CELF1: variants seen among roughly 807,000 people sequenced by gnomAD.
CELF1 encodes the protein CUGBP Elav-like family member 1.
A neutral mutation model predicts 61.8 loss-of-function variants in CELF1; 10 were observed. The ratio of observed to expected loss-of-function variants is 0.16; its 90% CI spans 0.10 to 0.27. The LOEUF is 0.27. Among genes scored for constraint, CELF1 ranks in the 10% least tolerant of loss-of-function variants. The pLI is 1.00. For missense variants in CELF1, 380 were observed against 639.1 expected (o/e 0.59, Z 4.37); for synonymous variants, 236 against 225.1 (o/e 1.05, Z -0.43).
At chr11:47,475,784 ATT>A (rs2079796918) in intron 12 of CELF1, among the ~76,000 whole-genome samples, 1 of 152,118 alleles carries the variant, frequency 6.6e-6, no homozygotes, top group Non-Finnish European at 1.5e-5. Flanking sequence ...GAGAGCCTCC[ATT>A]TTCTATCTGG....
At chr11:47,538,270 T>C (rs544784466) in intron 1 of CELF1, among the ~76,000 whole-genome samples, 2 of 152,318 alleles carry the variant, frequency 1.3e-5, no homozygotes, top group East Asian at 1.9e-4. Flanking sequence ...TCAAATAATA[T>C]CTTCTAGCTT....
intron 2 of CELF1, among the ~76,000 whole-genome samples, chr11:47,559,025 T>TATATAATATGTTACATATAATA (rs2097217691): frequency 7.0e-6 from 1 of 143,040 alleles, no homozygotes; most frequent in Non-Finnish European, 1.5e-5. Context: ...TTATATATAA[T>TATATAATATGTTACATATAATA]ATATAATATG....
chr11:47,529,743 C>G (rs952666988), intron 1 of CELF1, among the ~76,000 whole-genome samples: 4 of 151,984 alleles, frequency 2.6e-5, no homozygotes, highest in Admixed American at 2.6e-4. Flanking sequence ...ACTGCTTAAA[C>G]CTGGGAGGTG....
At chr11:47,509,257 G>A (rs564586602) in intron 1 of CELF1, among the ~76,000 whole-genome samples, 1 of 152,294 alleles carries the variant, frequency 6.6e-6, no homozygotes, top group African/African-American at 2.4e-5. Flanking sequence ...CACATGCTCT[G>A]TGAGAAAGCC....
At chr11:47,503,820 T>C (rs1484559045) in intron 1 of CELF1, among the ~76,000 whole-genome samples, 2 of 152,208 alleles carry the variant, frequency 1.3e-5, no homozygotes, top group Non-Finnish European at 2.9e-5. Flanking sequence ...CTGGTAATTA[T>C]CTCTGTGGCA....
chr11:47,472,120 A>G lies in CELF1; in HGVS notation c.*110T>C, dbSNP rs1596005417. 4.6e-5 allele frequency: 60 copies of G among 1,313,824 alleles called. No individual in the cohort carries two copies. Among genetic ancestry groups the G allele is most frequent in the African/African-American group, 2.9e-5 (2 of 68,508 alleles). The allele number at this position is 1,313,824 out of a possible 1,614,324, so 81.4% of individuals were successfully genotyped here. On this transcript the variant is annotated 3_prime_UTR_variant, in exon 15 of 15. Coordinates refer to ENST00000687097, the MANE Select transcript of CELF1 (RefSeq NM_001376376.1). ...AGCTGTGCCTGCGAGAGTGGCAGGG[A>G]TCAGGGTCCAGGGCTGTCAACACAC...
chr11:47,513,447 T>C (rs1042893501), intron 1 of CELF1, among the ~76,000 whole-genome samples: 3 of 151,024 alleles, frequency 2.0e-5, no homozygotes, highest in African/African-American at 7.3e-5. Context: ...AAAAGCAACA[T>C]GTGGGCAGCA....
At position 47,475,434 on chromosome 11, in the gene CELF1, G is replaced by A. The variant is rs866597190; in HGVS notation, c.1175C>T (p.Ser392Leu). 7.4e-6 allele frequency: 12 copies of A among 1,613,924 alleles called. No individual in the cohort carries two copies. Among genetic ancestry groups the A allele is most frequent in the Admixed American group, 1.7e-5 (1 of 60,008 alleles). The change falls in exon 13 of 15, where the codon TCG (serine) becomes TTG (leucine). Residue 392 changes from serine to leucine, a missense_variant. Physicochemically the swap from Ser to Leu is moderately radical, Grantham distance 145. Coordinates refer to ENST00000687097, the MANE Select transcript of CELF1 (RefSeq NM_001376376.1). The part of the protein sequence containing the change: ...STMEALTQAY[S>L]GIQQYAAAAL... ...AGCAGCAGCATATTGCTGGATACCCGAGTAGGCCTGAGTGAGGGCCTCCAT... is the reference window on the plus strand; with the variant it reads ...AGCAGCAGCATATTGCTGGATACCCAAGTAGGCCTGAGTGAGGGCCTCCAT...
intron 1 of CELF1, among the ~76,000 whole-genome samples, chr11:47,516,417 C>G (rs1358198535): frequency 1.3e-5 from 2 of 152,122 alleles, no homozygotes; most frequent in African/African-American, 4.8e-5. Flanking sequence ...TCTAGGCAAC[C>G]TGCCTCTTCT....
At position 47,545,850 on chromosome 11, in the gene CELF1, CGTGTGTGTGTGTGTGTCTGCGT is replaced by C. The variant is rs1320917915; in HGVS notation, c.-154+7120_-154+7141del. Among the ~76,000 whole-genome samples the C allele has an allele frequency of 2.8e-3, 343 of 124,118 alleles. 2 individuals are homozygous for C. The highest frequency in any genetic ancestry group is 8.7e-3 in the African/African-American group (299 of 34,448). The allele number at this position is 124,118 out of a possible 152,430, so 81.4% of individuals were successfully genotyped here. A position where few individuals can be genotyped will look rare whatever the true frequency, so the allele number is the denominator to read the frequency against. ...CCAGCCCCTCTCTCTCATATGTATACGTGTGTGTGTGTGTGTCTGCGTGTGTGTGTGTGTGTGTGTGTGTGTG... is the reference window on the plus strand; with the variant it reads ...CCAGCCCCTCTCTCTCATATGTATACGTGTGTGTGTGTGTGTGTGTGTGTG... On this transcript the variant is annotated intron_variant, in intron 1 of 14. Transcript: ENST00000687097.
chr11:47,516,681 A>G (rs962382941), intron 1 of CELF1, among the ~76,000 whole-genome samples: 21 of 151,838 alleles, frequency 1.4e-4, no homozygotes, highest in African/African-American at 4.8e-4. Context: ...GCTCACTGCA[A>G]TCTCTGCCTC....
chr11:47,530,099 T>C (rs186062483), intron 1 of CELF1, among the ~76,000 whole-genome samples: 146 of 152,312 alleles, frequency 9.6e-4, no homozygotes, highest in Non-Finnish European at 1.8e-3. Context: ...ACTGCGCATA[T>C]TGTATATAAA....
At chr11:47,524,961 C>T (rs2096161119) in intron 1 of CELF1, among the ~76,000 whole-genome samples, 1 of 152,202 alleles carries the variant, frequency 6.6e-6, no homozygotes, top group South Asian at 2.1e-4. Context: ...ATTTCAGTCA[C>T]TGACACCAAG....
At chr11:47,500,263 GCTAT>G (rs979600258) in intron 2 of CELF1, among the ~76,000 whole-genome samples, 7 of 151,590 alleles carry the variant, frequency 4.6e-5, no homozygotes, top group Admixed American at 2.0e-4. Context: ...TTCTTGATGT[GCTAT>G]CTAATGGTTA....
intron 13 of CELF1, among the ~76,000 whole-genome samples, chr11:47,474,643 G>A (rs772577839): frequency 2.0e-5 from 3 of 152,204 alleles, no homozygotes; most frequent in Non-Finnish European, 2.9e-5. Flanking sequence ...AGATGAACCA[G>A]GACTTTCTGC....
At chr11:47,537,203 G>A (rs550516322) in intron 1 of CELF1, among the ~76,000 whole-genome samples, 3 of 151,540 alleles carry the variant, frequency 2.0e-5, no homozygotes, top group South Asian at 2.1e-4. Flanking sequence ...TAAAAATTAC[G>A]AAGTTTCAAG....
Position 47,468,137 on chromosome 11 carries a change from G to C in CELF1, c.*4093C>G, listed in dbSNP as rs1301491686. ...TCACATTTTGCTGTGGAGACTGTTGGAACAAGCATGGGGCTGAGGGGAAGG... is the reference window on the plus strand; with the variant it reads ...TCACATTTTGCTGTGGAGACTGTTGCAACAAGCATGGGGCTGAGGGGAAGG... On this transcript the variant is annotated 3_prime_UTR_variant, in exon 15 of 15. Coordinates refer to ENST00000687097, the MANE Select transcript of CELF1 (RefSeq NM_001376376.1). 1 of 152,134 alleles carries C rather than the reference G, an allele frequency of 6.6e-6. No individual in the cohort carries two copies. Among genetic ancestry groups the C allele is most frequent in the African/African-American group, 2.4e-5 (1 of 41,406 alleles). 9.4% of individuals were successfully genotyped at this position (152,134 alleles called of 1,614,324 possible).
At chr11:47,541,723 AAAGAACG>A (rs2096790647) in intron 1 of CELF1, among the ~76,000 whole-genome samples, 2 of 7,584 alleles carry the variant, frequency 2.6e-4, no homozygotes, top group African/African-American at 5.8e-4. Flanking sequence ...AGAAAGAAAG[AAAGAACG>A]AAAGAAAGAA....
chr11:47,486,314 CAT>C (rs2087036659), intron 6 of CELF1, among the ~76,000 whole-genome samples: 1 of 151,804 alleles, frequency 6.6e-6, no homozygotes. Flanking sequence ...TGTTCTTCAT[CAT>C]ACTTTTAAAG....
Sources: allele counts gnomAD v4.1 joint callset (sites outside exome capture counted in the v4.1 genomes callset), GRCh38; gene constraint gnomAD v4.1.1; transcripts MANE v1.5; gene names NCBI Gene and HGNC (gene_info 2026-07-23, HGNC 2026-07-21).